RBFOX1: variants seen among roughly 807,000 people sequenced by gnomAD.
RBFOX1 encodes RNA binding fox-1 homolog 1.
RBFOX1 carries 8 observed loss-of-function variants against 57.7 expected under a neutral mutation model. The ratio of observed to expected loss-of-function variants is 0.14; its 90% confidence interval spans 0.08 to 0.25. RBFOX1 has a LOEUF of 0.25. Ranked by LOEUF, RBFOX1 falls within the 10% of genes least tolerant of loss-of-function variation. The pLI is 1.00. For missense variants in RBFOX1, 611 were observed against 548.5 expected, an observed-to-expected ratio of 1.11 and a Z score of -1.14; for synonymous variants, 326 against 222.4, an observed-to-expected ratio of 1.47 and a Z score of -4.15.
intron 2 of RBFOX1, among the ~76,000 whole-genome samples, chr16:6,487,687 AAAAAAAAAAAAAAATATATATAT>A (rs2095522178): frequency 7.6e-4 from 15 of 19,786 alleles, no homozygotes; most frequent in African/African-American, 1.9e-3. Flanking sequence ...AAAAAAAAAA[AAAAAAAAAAAAAAATATATATAT>A]ATATATATAT....
Position 6,830,026 on chromosome 16 carries a change from C to T in RBFOX1, c.-16+175376C>T, listed in dbSNP as rs376788861. Among the ~76,000 whole-genome samples, 510 of 152,208 alleles carry T rather than the reference C, an allele frequency of 3.4e-3. 1 individual carries two copies. The highest frequency in any genetic ancestry group is 0.011 in the African/African-American group (451 of 41,516). ...CCGCCTTCTGGGTTCAAGTGATTCT[C>T]ATGCCTCAGCCTCCCAAGTAACTAG... is the stretch of plus-strand genomic sequence containing the variant. On this transcript the variant is annotated intron_variant, in intron 3 of 15. Transcript: ENST00000550418.
At chr16:5,280,812 G>C (rs1383304431) in intron 1 of RBFOX1, among the ~76,000 whole-genome samples, 1 of 150,660 alleles carries the variant, frequency 6.6e-6, no homozygotes, top group Non-Finnish European at 1.5e-5. Context: ...ATTTATTTGG[G>C]TCTCCTTTCT....
intron 3 of RBFOX1, among the ~76,000 whole-genome samples, chr16:6,899,895 GA>G (rs2068021250): frequency 6.6e-6 from 1 of 152,262 alleles, no homozygotes; most frequent in East Asian, 1.9e-4. Flanking sequence ...CAATGAGAGA[GA>G]TTTTTTTGCC....
At chr16:6,900,621 C>G (rs975267821) in intron 3 of RBFOX1, among the ~76,000 whole-genome samples, 5 of 152,296 alleles carry the variant, frequency 3.3e-5, no homozygotes, top group African/African-American at 1.2e-4. Flanking sequence ...ACAGCAGATG[C>G]TATTCCCTCT....
chr16:6,715,140 A>G (rs953993717), intron 3 of RBFOX1, among the ~76,000 whole-genome samples: 1 of 152,204 alleles, frequency 6.6e-6, no homozygotes, highest in Admixed American at 6.5e-5. Flanking sequence ...ACTAAGCCAC[A>G]GTGTTTCCAA....
intron 4 of RBFOX1, among the ~76,000 whole-genome samples, chr16:7,477,197 G>A (rs534800939): frequency 6.6e-6 from 1 of 152,146 alleles, no homozygotes; most frequent in African/African-American, 2.4e-5. Context: ...GCTAAAATCG[G>A]TATATCTGTC....
intron 1 of RBFOX1, among the ~76,000 whole-genome samples, chr16:5,278,862 A>G (rs1393947225): frequency 2.0e-5 from 3 of 152,116 alleles, no homozygotes; most frequent in Non-Finnish European, 4.4e-5. Flanking sequence ...TATTCAATGT[A>G]TGTTCTTGAC....
chr16:6,497,670 C>T (rs1195242630), intron 2 of RBFOX1, among the ~76,000 whole-genome samples: 3 of 152,032 alleles, frequency 2.0e-5, no homozygotes, highest in Non-Finnish European at 4.4e-5. Flanking sequence ...GATTGTCCTG[C>T]CTCAGCCTCC....
intron 10 of RBFOX1, among the ~76,000 whole-genome samples, chr16:7,616,629 T>C (rs1005794424): frequency 2.0e-5 from 3 of 152,126 alleles, no homozygotes; most frequent in Non-Finnish European, 2.9e-5. Flanking sequence ...AGGGGCGTTA[T>C]CTTGTTTCAC....
At chr16:6,670,315 C>G (rs1031528518) in intron 3 of RBFOX1, among the ~76,000 whole-genome samples, 1 of 152,088 alleles carries the variant, frequency 6.6e-6, no homozygotes, top group East Asian at 1.9e-4. Context: ...AGCAGTCCTT[C>G]CATCTTGGTC....
At chr16:5,512,338 G>A (rs1254642902) in intron 2 of RBFOX1, among the ~76,000 whole-genome samples, 2 of 152,130 alleles carry the variant, frequency 1.3e-5, no homozygotes, top group Admixed American at 6.6e-5. Context: ...CTGCCCAAAT[G>A]TATTGCAATC....
intron 3 of RBFOX1, among the ~76,000 whole-genome samples, chr16:6,656,635 T>A (rs2098655152): frequency 8.0e-6 from 1 of 125,228 alleles, no homozygotes; most frequent in Non-Finnish European, 1.7e-5. Flanking sequence ...CACACACTTC[T>A]AGTTTTTTCA....
intron 14 of RBFOX1, among the ~76,000 whole-genome samples, chr16:7,708,435 C>T (rs1050500786): frequency 3.3e-5 from 5 of 152,122 alleles, no homozygotes; most frequent in African/African-American, 1.2e-4. Flanking sequence ...TTCCCAGAAC[C>T]TGGCCATGGA....
At chr16:6,605,053 C>T (rs755297402) in intron 2 of RBFOX1, among the ~76,000 whole-genome samples, 4 of 151,816 alleles carry the variant, frequency 2.6e-5, no homozygotes, top group African/African-American at 9.7e-5. Context: ...TAAACACATG[C>T]ACAACGTGTG....
chr16:6,372,827 G>A (rs907065815), intron 2 of RBFOX1, among the ~76,000 whole-genome samples: 13 of 151,750 alleles, frequency 8.6e-5, no homozygotes, highest in South Asian at 6.3e-4. Context: ...CTGGATGGGA[G>A]GATGGTTGGT....
intron 3 of RBFOX1, among the ~76,000 whole-genome samples, chr16:6,806,744 C>A (rs2086854997): frequency 7.0e-6 from 1 of 142,756 alleles, no homozygotes; most frequent in East Asian, 2.0e-4. Flanking sequence ...TGTTTTTTCT[C>A]CCTTTCTTTT....
intron 4 of RBFOX1, among the ~76,000 whole-genome samples, chr16:5,876,172 G>GTAAAA (rs1555553795): frequency 5.8e-4 from 89 of 152,180 alleles, no homozygotes; most frequent in Non-Finnish European, 1.2e-4. Flanking sequence ...TGCATTGGGG[G>GTAAAA]TTAATGAGTA....
rs189287584 is a variant in RBFOX1 at position 5,372,368 on chromosome 16, G to A, written c.220-94848G>A. On this transcript the variant is annotated intron_variant, in intron 1 of 2. Transcript: ENST00000585867. ...CAATAAAGATGGTGGTGGGAGTGAG[G>A]TCTATGTATTGGGTGTGTGGATAGA... is the stretch of plus-strand genomic sequence containing the variant. 1.5e-3 allele frequency among the ~76,000 whole-genome samples: 227 copies of A among 152,308 alleles called. 2 individuals carry two copies. Among genetic ancestry groups the A allele is most frequent in the Admixed American group, 0.012 (189 of 15,302 alleles).
At chr16:7,276,555 T>C (rs2095444183) in intron 4 of RBFOX1, among the ~76,000 whole-genome samples, 1 of 145,842 alleles carries the variant, frequency 6.9e-6, no homozygotes. Flanking sequence ...CCTTGACTGA[T>C]TTTTTTTTAA....
Sources: gnomAD v4.1 joint callset for allele counts (sites outside exome capture counted in the v4.1 genomes callset) on GRCh38, gnomAD v4.1.1 for gene constraint, MANE v1.5 for transcripts, NCBI Gene and HGNC (gene_info 2026-07-23, HGNC 2026-07-21) for gene names.